The following PROM1 variants were observed in gnomAD, a reference collection of about 807,000 sequenced individuals.
PROM1 encodes the protein prominin-1.
Under a neutral mutation model 116.9 loss-of-function variants are expected in PROM1, and 105 were observed. The observed-to-expected ratio is 0.90, with a 90% CI of 0.77 to 1.06. The LOEUF is 1.06. Among genes scored for constraint, PROM1 ranks in the 50% least tolerant of loss-of-function variants. PROM1 has a pLI of 0.00. For synonymous variants in PROM1, 393 were observed against 387.0 expected (o/e 1.02, Z -0.18); for missense variants, 1,122 against 1,045.2 (o/e 1.07, Z -1.01).
At chr4:16,025,607 G>A (rs1731056938) in intron 5 of PROM1, among the ~76,000 whole-genome samples, 1 of 152,194 alleles carries the variant, frequency 6.6e-6, no homozygotes, top group Admixed American at 6.5e-5. Context: ...GGAAATAGGT[G>A]CAAAAAGGTT....
intron 19 of PROM1, among the ~76,000 whole-genome samples, chr4:15,989,235 A>G (rs1464750385): frequency 1.2e-4 from 19 of 152,188 alleles, no homozygotes; most frequent in Admixed American, 1.2e-3. Context: ...TTTGTTAGAA[A>G]CTGCCTTTAT....
At chr4:16,034,996 A>G (rs1437635292) in intron 4 of PROM1, among the ~76,000 whole-genome samples, 1 of 152,272 alleles carries the variant, frequency 6.6e-6, no homozygotes, top group Non-Finnish European at 1.5e-5. Context: ...GCAAATGCTC[A>G]AGACTAGTAA....
intron 1 of PROM1, among the ~76,000 whole-genome samples, chr4:16,082,357 G>A (rs1020947909): frequency 6.6e-6 from 1 of 152,030 alleles, no homozygotes; most frequent in East Asian, 1.9e-4. Flanking sequence ...AGTCTCGGGG[G>A]GCACTCAAGA....
At chr4:16,051,595 G>C (rs956437754) in intron 2 of PROM1, among the ~76,000 whole-genome samples, 1 of 152,190 alleles carries the variant, frequency 6.6e-6, no homozygotes, top group African/African-American at 2.4e-5. Flanking sequence ...GCCACAGGTT[G>C]AGTGCAACAC....
chr4:16,076,950 C>T (rs1043859705), intron 1 of PROM1, among the ~76,000 whole-genome samples: 3 of 152,122 alleles, frequency 2.0e-5, no homozygotes, highest in Non-Finnish European at 4.4e-5. Context: ...ACAAACATTG[C>T]GGAAGGCCGG....
At chr4:16,083,911 C>T (rs994384288) in intron 1 of PROM1, 67 bp downstream of exon 1, 1 of 152,254 alleles carries the variant, frequency 6.6e-6, no homozygotes, top group African/African-American at 2.4e-5. Context: ...TTGCGGCTTC[C>T]TCTGTCCCGG....
chr4:16,039,937 G>A (rs1012507334), intron 2 of PROM1, among the ~76,000 whole-genome samples: 5 of 152,050 alleles, frequency 3.3e-5, no homozygotes, highest in Non-Finnish European at 7.4e-5. Context: ...TGAGACAACT[G>A]AGACATGGAC....
intron 2 of PROM1, among the ~76,000 whole-genome samples, chr4:16,053,633 T>C (rs956023263): frequency 2.3e-4 from 35 of 152,124 alleles, no homozygotes; most frequent in African/African-American, 7.2e-4. Flanking sequence ...GGAGGGAAAA[T>C]GACGTTATGT....
At chr4:16,054,914 C>T (rs187845975) in intron 2 of PROM1, among the ~76,000 whole-genome samples, 6 of 152,254 alleles carry the variant, frequency 3.9e-5, no homozygotes, top group African/African-American at 1.4e-4. Context: ...AGCTGATTTC[C>T]CTCATCACTA....
At chr4:15,978,940 T>C (rs924136354) in intron 26 of PROM1, among the ~76,000 whole-genome samples, 3 of 151,528 alleles carry the variant, frequency 2.0e-5, no homozygotes, top group South Asian at 2.1e-4. Context: ...GGAGGAATAA[T>C]TGAGGTTCTT....
At chr4:15,985,885 A>AG (rs376076597) in intron 21 of PROM1, 57 bp from the exon 22 acceptor site, 1 of 673,922 alleles carries the variant, frequency 1.5e-6, no homozygotes, top group Non-Finnish European at 2.5e-6. Context: ...ATACTTAAAC[A>AG]TTATAAATAT....
At chr4:16,023,220 C>A in intron 8 of PROM1, 106 bp downstream of exon 8, 1 of 993,526 alleles carries the variant, frequency 1.0e-6, no homozygotes, top group South Asian at 1.4e-5. Flanking sequence ...CGGACGGTGG[C>A]TCTCCCCAAG....
At chr4:16,007,984 G>A (rs1015117709) in intron 12 of PROM1, among the ~76,000 whole-genome samples, 4 of 152,156 alleles carry the variant, frequency 2.6e-5, no homozygotes, top group South Asian at 2.1e-4. Context: ...CCCTGAGCCC[G>A]TCTCCTTGTC....
intron 18 of PROM1, 109 bp from the exon 19 acceptor site, chr4:15,989,933 T>G: frequency 1.2e-6 from 1 of 823,966 alleles, no homozygotes; most frequent in Non-Finnish European, 2.0e-6. Context: ...GACATAAGCA[T>G]GCAATGATGG....
At chr4:16,077,437 G>A (rs1744195533) in intron 1 of PROM1, among the ~76,000 whole-genome samples, 1 of 152,082 alleles carries the variant, frequency 6.6e-6, no homozygotes, top group African/African-American at 2.4e-5. Flanking sequence ...CCCTCTCTGA[G>A]AAACACCCAA....
At chr4:16,024,145 G>A (rs1419464162) in intron 7 of PROM1, 150 bp downstream of exon 7, 2 of 701,576 alleles carry the variant, frequency 2.9e-6, no homozygotes, top group Non-Finnish European at 2.4e-6. Flanking sequence ...TCTAATCGCT[G>A]AGTAACAAAT....
rs769950356 is a variant in PROM1 at position 15,985,782 on chromosome 4, T to C, written c.2258A>G (p.Tyr753Cys). 2 of 1,460,598 alleles carry C rather than the reference T, an allele frequency of 1.4e-6. No individual in the cohort carries two copies. Among genetic ancestry groups the C allele is most frequent in the African/African-American group, 1.5e-5 (1 of 65,558 alleles). The allele number at this position is 1,460,598 out of a possible 1,614,324, so 90.5% of individuals were successfully genotyped here. A position where few individuals can be genotyped will look rare whatever the true frequency, so the allele number is the denominator to read the frequency against. ...TACAGAGAACTCGATCCACTGCAGA[T>C]AATGTTCAAAATATCCTATTATTGT... ...GRTIIGYFEH[Y>C]LQWIEFSISE... Residue 753 changes from tyrosine to cysteine, a missense_variant, in exon 22 of 28, where the codon TAT becomes TGT. Transcript: ENST00000447510.
chr4:16,025,948 A>G (rs1274159731), intron 5 of PROM1, among the ~76,000 whole-genome samples: 1 of 152,216 alleles, frequency 6.6e-6, no homozygotes, highest in Non-Finnish European at 1.5e-5. Flanking sequence ...TCATCTACAG[A>G]AAGTGCAAAA....
intron 2 of PROM1, among the ~76,000 whole-genome samples, chr4:16,071,231 C>G (rs140285821): frequency 2.6e-5 from 4 of 152,302 alleles, no homozygotes; most frequent in African/African-American, 7.2e-5. Context: ...TACACCCTGG[C>G]TGACAGCATC....
Sources: allele counts gnomAD v4.1 joint callset (sites outside exome capture counted in the v4.1 genomes callset), GRCh38; gene constraint gnomAD v4.1.1; transcripts MANE v1.5; gene names NCBI Gene and HGNC (gene_info 2026-07-23, HGNC 2026-07-21).